The following CAPZA2 variants were observed in gnomAD, a reference collection of about 807,000 sequenced individuals.
CAPZA2 encodes F-actin-capping protein subunit alpha-2.
A neutral mutation model predicts 44.0 loss-of-function variants in CAPZA2; 13 were observed. The observed-to-expected ratio is 0.30, with a 90% CI of 0.19 to 0.47. CAPZA2 has a LOEUF of 0.47. Ranked by LOEUF, CAPZA2 falls within the 20% of genes least tolerant of loss-of-function variation. CAPZA2 has a pLI of 1.00. For missense variants in CAPZA2, 244 were observed against 338.6 expected, an observed-to-expected ratio of 0.72 and a Z score of 2.19; for synonymous variants, 94 against 108.2, an observed-to-expected ratio of 0.87 and a Z score of 0.81.
intron 1 of CAPZA2, among the ~76,000 whole-genome samples, chr7:116,870,048 C>G (rs1485042005): frequency 6.6e-6 from 1 of 152,064 alleles, no homozygotes; most frequent in Non-Finnish European, 1.5e-5. Context: ...TTAGCTAAAG[C>G]AAGTTACATG....
chr7:116,898,749 A>C (rs752593964), intron 3 of CAPZA2, 23 bp from the exon 4 acceptor site: 2 of 1,490,002 alleles, frequency 1.3e-6, no homozygotes, highest in Admixed American at 2.0e-5. Context: ...AATTTTAAGT[A>C]ATTGCCATTT....
At chr7:116,889,649 A>G (rs1038518945) in intron 2 of CAPZA2, among the ~76,000 whole-genome samples, 2 of 152,218 alleles carry the variant, frequency 1.3e-5, no homozygotes, top group African/African-American at 4.8e-5. Context: ...AAAGTTGTAT[A>G]AAGTTAAAAT....
At chr7:116,892,056 AATATAC>A (rs1474683135) in intron 2 of CAPZA2, among the ~76,000 whole-genome samples, 2 of 152,220 alleles carry the variant, frequency 1.3e-5, no homozygotes, top group East Asian at 3.8e-4. Context: ...TAAATATGAT[AATATAC>A]ATACTAAATT....
At chr7:116,888,269 C>A in intron 2 of CAPZA2, 79 bp downstream of exon 2, 3 of 986,486 alleles carry the variant, frequency 3.0e-6, no homozygotes, top group South Asian at 1.4e-5. Context: ...TCAAAATAAG[C>A]TAAGGACAGT....
At chr7:116,910,849 CA>C (rs1342338522) in intron 7 of CAPZA2, among the ~76,000 whole-genome samples, 2 of 151,640 alleles carry the variant, frequency 1.3e-5, no homozygotes, top group African/African-American at 2.4e-5. Flanking sequence ...ACTAAAAATA[CA>C]AAAAATTACA....
chr7:116,884,738 A>G (rs1796739950), intron 1 of CAPZA2, among the ~76,000 whole-genome samples: 1 of 152,148 alleles, frequency 6.6e-6, no homozygotes. Flanking sequence ...ATATGAAAAT[A>G]AGTTTGCATT....
chr7:116,898,122 C>T (rs1796950941), intron 3 of CAPZA2, among the ~76,000 whole-genome samples: 1 of 152,102 alleles, frequency 6.6e-6, no homozygotes, highest in South Asian at 2.1e-4. Context: ...CTCATACGGT[C>T]ACTCTGCTCT....
chr7:116,880,184 G>A, intron 1 of CAPZA2: 1 of 448,032 alleles, frequency 2.2e-6, no homozygotes, highest in South Asian at 1.6e-5. Flanking sequence ...TATCAAAAAA[G>A]TACTCATTTG....
In CAPZA2 at chr7:116,890,577, TATATATATATATATATATATAC is replaced by T. The variant is rs1796829854; in HGVS notation, c.103+2389_104-2394del. Among the ~76,000 whole-genome samples the T allele has an allele frequency of 6.9e-4, 18 of 25,984 alleles. 1 individual carries two copies. The highest frequency in any genetic ancestry group is 6.0e-3 in the African/African-American group (17 of 2,856). 17.0% of individuals were successfully genotyped at this position (25,984 alleles called of 152,430 possible). ...ATATATATATATATATACACATATATATATATATATATATATATATACACACACACACACACATATATACAAA... is the reference window on the plus strand; with the variant it reads ...ATATATATATATATATACACATATATACACACACACACACATATATACAAA... On this transcript the variant is annotated intron_variant, in intron 2 of 9. Coordinates refer to ENST00000361183, the MANE Select transcript of CAPZA2 (RefSeq NM_006136.3).
chr7:116,902,719 A>T (rs2115955192), intron 4 of CAPZA2, among the ~76,000 whole-genome samples: 1 of 152,264 alleles, frequency 6.6e-6, no homozygotes, highest in South Asian at 2.1e-4. Flanking sequence ...ATATATGTAC[A>T]GCAATACTCA....
rs1397478082 is a variant in CAPZA2, at chr7:116,865,985, A to G, written c.39+3335A>G. On this transcript the variant is annotated intron_variant, in intron 1 of 9. Coordinates refer to ENST00000361183, the MANE Select transcript of CAPZA2 (RefSeq NM_006136.3). ...TTAACACATTTAAAGGTGTTATGTT[A>G]CTGATAGGAAGCATTTTAGAAATCA... 2.6e-5 allele frequency among the ~76,000 whole-genome samples: 4 copies of G among 152,206 alleles called. No homozygotes were observed. The East Asian group carries it at 7.7e-4, about 29-fold the overall frequency.
intron 1 of CAPZA2, among the ~76,000 whole-genome samples, chr7:116,870,056 A>G (rs550281622): frequency 4.0e-4 from 61 of 152,310 alleles, no homozygotes; most frequent in Non-Finnish European, 7.2e-4. Context: ...AGCAAGTTAC[A>G]TGTATAAACC....
chr7:116,879,912 A>G (rs1266457791), intron 1 of CAPZA2, among the ~76,000 whole-genome samples: 2 of 152,218 alleles, frequency 1.3e-5, no homozygotes, highest in African/African-American at 4.8e-5. Context: ...AGTATGGGGC[A>G]GAGGAAACAG....
intron 1 of CAPZA2, among the ~76,000 whole-genome samples, chr7:116,884,027 C>T (rs1268301624): frequency 6.6e-6 from 1 of 152,074 alleles, no homozygotes. Flanking sequence ...TACTTCCTAA[C>T]AACTCCTTCT....
chr7:116,884,940 A>G (rs1271458084), intron 1 of CAPZA2, among the ~76,000 whole-genome samples: 3 of 152,122 alleles, frequency 2.0e-5, no homozygotes, highest in Non-Finnish European at 2.9e-5. Flanking sequence ...TAGCCATACT[A>G]TTAGGTATGT....
chr7:116,903,795 AC>A (rs1797025771), intron 4 of CAPZA2, among the ~76,000 whole-genome samples: 1 of 152,144 alleles, frequency 6.6e-6, no homozygotes. Flanking sequence ...TCAGGTAACC[AC>A]CCTGATTGGA....
At chr7:116,883,887 G>T (rs1168784371) in intron 1 of CAPZA2, among the ~76,000 whole-genome samples, 2 of 152,106 alleles carry the variant, frequency 1.3e-5, no homozygotes, top group Non-Finnish European at 2.9e-5. Context: ...ATTTAATTTA[G>T]CCAGTTTTAT....
intron 1 of CAPZA2, among the ~76,000 whole-genome samples, chr7:116,879,300 C>A (rs138415115): frequency 2.0e-5 from 3 of 152,156 alleles, no homozygotes; most frequent in African/African-American, 7.2e-5. Flanking sequence ...AGTCTGGCTC[C>A]AGAGATCATA....
At position 116,906,268 on chromosome 7, in the gene CAPZA2, T is replaced by A; in HGVS notation, c.432T>A (p.Tyr144Ter). 1 of 1,612,600 alleles carries A rather than the reference T, an allele frequency of 6.2e-7. No individual in the cohort carries two copies. The highest frequency in any genetic ancestry group is 8.5e-7 in the Non-Finnish European group (1 of 1,179,706). ...EHYPNGVCTV[Y>*]GKKIDGQQTI... ...TTATTTTCTTTGCCAATAAGGTGTATGGCAAAAAAATAGATGGACAGCAAA... is the reference window on the plus strand; with the variant it reads ...TTATTTTCTTTGCCAATAAGGTGTAAGGCAAAAAAATAGATGGACAGCAAA... Residue 144 changes from tyrosine to a stop codon, truncating the protein, a stop_gained, in exon 6 of 10, where the codon TAT becomes TAA. Transcript: ENST00000361183. LOFTEE classifies it high-confidence loss of function.
Sources: allele counts gnomAD v4.1 joint callset (sites outside exome capture counted in the v4.1 genomes callset), GRCh38; gene constraint gnomAD v4.1.1; transcripts MANE v1.5; gene names NCBI Gene and HGNC (gene_info 2026-07-23, HGNC 2026-07-21).